The following KCNAB1 variants were observed in gnomAD, a reference collection of about 807,000 sequenced individuals.
KCNAB1 encodes potassium voltage-gated channel subfamily A regulatory beta subunit 1.
In KCNAB1, 35 loss-of-function variants were observed where a neutral mutation model predicts 64.6. That is an observed-to-expected ratio of 0.54 (90% CI 0.41 to 0.72). The LOEUF (loss-of-function observed/expected upper bound fraction) is 0.72, where lower values mean the gene tolerates loss of function less well. Ranked by LOEUF, KCNAB1 falls within the 30% of genes least tolerant of loss-of-function variation. KCNAB1 has a pLI of 0.00. For missense variants in KCNAB1, 401 were observed against 512.9 expected (o/e 0.78, Z 2.11); for synonymous variants, 177 against 183.8 (o/e 0.96, Z 0.30).
chr3:156,489,419 T>C (rs574450674), intron 8 of KCNAB1, among the ~76,000 whole-genome samples: 8 of 151,326 alleles, frequency 5.3e-5, no homozygotes, highest in African/African-American at 1.9e-4. Flanking sequence ...ATCAGCTATA[T>C]CAAATGTTAC....
chr3:156,464,257 A>G (rs775330600), intron 6 of KCNAB1, among the ~76,000 whole-genome samples: 13 of 152,222 alleles, frequency 8.5e-5, no homozygotes, highest in Non-Finnish European at 1.8e-4. Context: ...ACTCGCTGTC[A>G]GGCCAAATGA....
intron 1 of KCNAB1, among the ~76,000 whole-genome samples, chr3:156,258,839 A>G (rs1718259278): frequency 6.6e-6 from 1 of 152,204 alleles, no homozygotes; most frequent in Non-Finnish European, 1.5e-5. Flanking sequence ...CTATATTGCT[A>G]TAAATAATGT....
intron 1 of KCNAB1, among the ~76,000 whole-genome samples, chr3:156,301,252 A>G (rs1721139536): frequency 6.6e-6 from 1 of 152,112 alleles, no homozygotes. Context: ...CCACAACAAC[A>G]ACCTTGTTAT....
intron 8 of KCNAB1, among the ~76,000 whole-genome samples, chr3:156,494,482 A>T (rs756703601): frequency 2.6e-4 from 39 of 152,104 alleles, no homozygotes; most frequent in Non-Finnish European, 4.7e-4. Context: ...CTCAGCACTT[A>T]TCTTTTCCTG....
intron 5 of KCNAB1, among the ~76,000 whole-genome samples, chr3:156,461,209 C>T (rs1232721504): frequency 2.0e-5 from 3 of 152,310 alleles, no homozygotes; most frequent in Admixed American, 2.0e-4. Context: ...AACTGGGTAA[C>T]TTAAAATAAC....
At chr3:156,134,619 CTGTT>C (rs556846583) in intron 1 of KCNAB1, among the ~76,000 whole-genome samples, 17 of 152,320 alleles carry the variant, frequency 1.1e-4, no homozygotes, top group African/African-American at 3.8e-4. Context: ...ACATTTGAAT[CTGTT>C]TGGGAAAATG....
At chr3:156,184,795 T>C (rs1331464074) in intron 1 of KCNAB1, among the ~76,000 whole-genome samples, 1 of 152,098 alleles carries the variant, frequency 6.6e-6, no homozygotes, top group Non-Finnish European at 1.5e-5. Context: ...CCAAAGTGTA[T>C]CCCCTCCTTC....
intron 1 of KCNAB1, chr3:156,143,559 T>G: frequency 1.9e-6 from 1 of 514,932 alleles, no homozygotes; most frequent in Non-Finnish European, 3.2e-6. Context: ...TCTTCTTGGG[T>G]TGCATTCTTG....
chr3:156,506,981 AACC>A (rs748136102), intron 8 of KCNAB1, among the ~76,000 whole-genome samples: 34 of 152,238 alleles, frequency 2.2e-4, no homozygotes, highest in Non-Finnish European at 3.7e-4. Flanking sequence ...GGATGGATAT[AACC>A]ACACAAGGCA....
intron 1 of KCNAB1, among the ~76,000 whole-genome samples, chr3:156,220,194 A>T (rs182400910): frequency 2.6e-5 from 4 of 152,264 alleles, no homozygotes; most frequent in Middle Eastern, 3.4e-3. Context: ...GCATGTGTCC[A>T]TATAGTAGCA....
chr3:156,250,529 A>G (rs986963), intron 1 of KCNAB1, among the ~76,000 whole-genome samples: 90,589 of 152,094 alleles, frequency 0.6, 27,772 homozygotes, highest in East Asian at 0.79. Context: ...AAAAAATGTG[A>G]TGTCCCCAAA....
At chr3:156,424,313 A>T (rs984594558) in intron 2 of KCNAB1, among the ~76,000 whole-genome samples, 2 of 152,182 alleles carry the variant, frequency 1.3e-5, no homozygotes, top group African/African-American at 4.8e-5. Flanking sequence ...TATTTCAAAG[A>T]TACTGAAAGC....
intron 8 of KCNAB1, among the ~76,000 whole-genome samples, chr3:156,483,517 A>T (rs572539725): frequency 6.6e-6 from 1 of 152,232 alleles, no homozygotes; most frequent in African/African-American, 2.4e-5. Context: ...GTTGATGGCC[A>T]CTATGACTCA....
chr3:156,437,625 T>TA (rs1716677770), intron 2 of KCNAB1, among the ~76,000 whole-genome samples: 1 of 152,212 alleles, frequency 6.6e-6, no homozygotes, highest in Admixed American at 6.5e-5. Flanking sequence ...TATTTTTTTT[T>TA]ATTTCACATT....
intron 1 of KCNAB1, among the ~76,000 whole-genome samples, chr3:156,124,820 G>A (rs776118403): frequency 2.6e-5 from 4 of 152,062 alleles, no homozygotes; most frequent in Admixed American, 6.6e-5. Flanking sequence ...TTCTTTGACT[G>A]CAAAAGGGTG....
intron 1 of KCNAB1, among the ~76,000 whole-genome samples, chr3:156,385,525 A>G (rs1712523174): frequency 6.6e-6 from 1 of 152,190 alleles, no homozygotes; most frequent in African/African-American, 2.4e-5. Flanking sequence ...TCAAAAAAGC[A>G]TATTTAAAAC....
intron 1 of KCNAB1, among the ~76,000 whole-genome samples, chr3:156,146,872 C>T (rs979285576): frequency 1.3e-5 from 2 of 152,198 alleles, no homozygotes; most frequent in Non-Finnish European, 2.9e-5. Flanking sequence ...TGGGTTTGTT[C>T]AGCAGGCCAT....
At chr3:156,228,856 T>TAC (rs1716345417) in intron 1 of KCNAB1, among the ~76,000 whole-genome samples, 1 of 152,248 alleles carries the variant, frequency 6.6e-6, no homozygotes. Flanking sequence ...TGGCCCTTTG[T>TAC]AGGCTGGTTA....
chr3:156,203,221 G>T (rs1714453466), intron 1 of KCNAB1, among the ~76,000 whole-genome samples: 1 of 152,210 alleles, frequency 6.6e-6, no homozygotes, highest in Non-Finnish European at 1.5e-5. Flanking sequence ...CACTGCAGTG[G>T]CAGGGTTGAG....
Sources: allele counts gnomAD v4.1 joint callset (sites outside exome capture counted in the v4.1 genomes callset), GRCh38; gene constraint gnomAD v4.1.1; transcripts MANE v1.5; gene names NCBI Gene and HGNC (gene_info 2026-07-23, HGNC 2026-07-21).